CERK: variants seen among roughly 807,000 people sequenced by gnomAD.
CERK encodes ceramide kinase, also known as acylsphingosine kinase.
Under a neutral mutation model 63.4 loss-of-function variants are expected in CERK, and 39 were observed. That is an observed-to-expected ratio of 0.61 (90% CI 0.48 to 0.80). CERK has a LOEUF of 0.80. Ranked by LOEUF, CERK falls within the 30% of genes least tolerant of loss-of-function variation. CERK has a pLI of 0.00. For synonymous variants in CERK, 302 were observed against 280.0 expected, an observed-to-expected ratio of 1.08 and a Z score of -0.78; for missense variants, 670 against 714.1, an observed-to-expected ratio of 0.94 and a Z score of 0.70.
At chr22:46,733,100 C>T (rs141030818) in intron 1 of CERK, among the ~76,000 whole-genome samples, 2,052 of 146,048 alleles carry the variant, frequency 0.014, 57 homozygotes, top group African/African-American at 0.049. Context: ...CCCAGCTACT[C>T]GGGAGGCTGA....
intron 7 of CERK, among the ~76,000 whole-genome samples, chr22:46,699,909 T>C (rs2082775122): frequency 6.6e-6 from 1 of 152,122 alleles, no homozygotes; most frequent in African/African-American, 2.4e-5. Context: ...GCCAGAATGG[T>C]GAAACCTTGT....
At chr22:46,711,949 A>T (rs187079432) in intron 4 of CERK, among the ~76,000 whole-genome samples, 4 of 152,174 alleles carry the variant, frequency 2.6e-5, no homozygotes, top group African/African-American at 7.2e-5. Flanking sequence ...TTAGCCAGGC[A>T]TGGTGGCACA....
chr22:46,686,996 G>A lies in CERK; in HGVS notation c.*138C>T, dbSNP rs989399194. 1.3e-6 allele frequency: 1 copy of A among 770,162 alleles called. No individual in the cohort carries two copies. Among genetic ancestry groups the A allele is most frequent in the Non-Finnish European group, 2.1e-6 (1 of 487,552 alleles). The allele number at this position is 770,162 out of a possible 1,614,324, so 47.7% of individuals were successfully genotyped here. ...ATGTACACAAAATTGTTGACAAAAG[G>A]GTTTTCTTCTAAAATCAAGATTTAA... is the stretch of plus-strand genomic sequence containing the variant. On this transcript the variant is annotated 3_prime_UTR_variant, in exon 13 of 13. Transcript: ENST00000216264.
At chr22:46,724,124 CAGCCCA>C in intron 1 of CERK, among the ~76,000 whole-genome samples, 1 of 152,216 alleles carries the variant, frequency 6.6e-6, no homozygotes, top group South Asian at 2.1e-4. Flanking sequence ...TCTTCCTCCT[CAGCCCA>C]CTCAACATGA....
At chr22:46,719,309 C>T (rs2082881022) in intron 3 of CERK, among the ~76,000 whole-genome samples, 2 of 151,964 alleles carry the variant, frequency 1.3e-5, no homozygotes, top group African/African-American at 4.8e-5. Flanking sequence ...TTAAGGGTGA[C>T]AAAGTCTTGT....
intron 6 of CERK, among the ~76,000 whole-genome samples, chr22:46,702,221 A>ATGTG (rs1466132272): frequency 0.018 from 2,033 of 113,226 alleles, 61 homozygotes; most frequent in African/African-American, 0.057. Context: ...AAAAATATAT[A>ATGTG]TATGTGTGTG....
chr22:46,698,216 G>A (rs1416877566), intron 8 of CERK, among the ~76,000 whole-genome samples: 3 of 152,252 alleles, frequency 2.0e-5, no homozygotes, highest in African/African-American at 7.2e-5. Context: ...CACCTGCTGG[G>A]GTGAGAAGAG....
At chr22:46,733,615 A>G (rs924563479) in intron 1 of CERK, among the ~76,000 whole-genome samples, 20 of 151,748 alleles carry the variant, frequency 1.3e-4, no homozygotes, top group African/African-American at 4.6e-4. Context: ...TTTTAAATTT[A>G]TGATATCTTA....
Position 46,735,715 on chromosome 22 carries a change from T to A in CERK, c.142+2292A>T, listed in dbSNP as rs930687835. 2.6e-5 allele frequency among the ~76,000 whole-genome samples: 4 copies of A among 152,264 alleles called. No individual in the cohort carries two copies. The South Asian group carries it at 8.3e-4, about 32-fold the overall frequency. ...CCTAATCAATCCCAGTGTGCCCAGA[T>A]ACACCTGGGGGAATGGGGAGGGCTG... On this transcript the variant is annotated intron_variant, in intron 1 of 12. Transcript: ENST00000216264.
At chr22:46,716,069 A>G (rs1052055640) in intron 3 of CERK, among the ~76,000 whole-genome samples, 3 of 152,126 alleles carry the variant, frequency 2.0e-5, no homozygotes, top group African/African-American at 7.2e-5. Context: ...ATGTGCCTGT[A>G]GTCTCAGCTA....
Position 46,736,025 on chromosome 22 carries a change from G to A in CERK, c.142+1982C>T, listed in dbSNP as rs558042892. On this transcript the variant is annotated intron_variant, in intron 1 of 12. Transcript: ENST00000216264. ...TCCTGGAGGAAGCCCACCAGCCAGGGCCACCAGCCAGGGCCCCACCATCCA... is the reference window on the plus strand; with the variant it reads ...TCCTGGAGGAAGCCCACCAGCCAGGACCACCAGCCAGGGCCCCACCATCCA... Among the ~76,000 whole-genome samples, 14 of 151,972 alleles carry A rather than the reference G, an allele frequency of 9.2e-5. No individual in the cohort carries two copies. The South Asian group carries it at 1.5e-3, about 16-fold the overall frequency.
intron 1 of CERK, among the ~76,000 whole-genome samples, chr22:46,722,245 A>G (rs1009870722): frequency 1.3e-5 from 2 of 152,214 alleles, no homozygotes; most frequent in East Asian, 1.9e-4. Context: ...ATTTTGCATC[A>G]TTTTTAAAGT....
In CERK at chr22:46,699,431, G is replaced by A. The variant is rs762372388; in HGVS notation, c.825C>T (p.His275=). 1.2e-6 allele frequency: 2 copies of A among 1,614,202 alleles called. No individual in the cohort carries two copies. Among genetic ancestry groups the A allele is most frequent in the Admixed American group, 3.3e-5 (2 of 60,030 alleles). ...DSLAMDVSSV[H]HNSTLLRYSV... The stretch of plus-strand genomic sequence containing the variant: ...AGTAGCGAAGGAGTGTGCTGTTGTG[G>A]TGGACTGAGGACACATCCATGGCCA... Residue 275 remains histidine (H), a synonymous_variant, in exon 8 of 13, where the codon CAC becomes CAT. Coordinates refer to ENST00000216264, the MANE Select transcript of CERK (RefSeq NM_022766.6).
At chr22:46,731,158 G>A (rs954217665) in intron 1 of CERK, among the ~76,000 whole-genome samples, 1 of 152,250 alleles carries the variant, frequency 6.6e-6, no homozygotes, top group African/African-American at 2.4e-5. Flanking sequence ...CATTGGTGGA[G>A]ACAAAGGGGC....
chr22:46,724,049 TTCCACCTCCTCCGTCTTC>T (rs534054676), intron 1 of CERK, among the ~76,000 whole-genome samples: 159 of 152,192 alleles, frequency 1.0e-3, no homozygotes, highest in African/African-American at 3.4e-3. Flanking sequence ...TTGCCTCCCC[TTCCACCTCCTCCGTCTTC>T]TCCACCTCCA....
At position 46,712,198 on chromosome 22, in the gene CERK, T is replaced by G. The variant is rs756094565; in HGVS notation, c.475A>C (p.Thr159Pro). The change falls in exon 4 of 13, where the codon ACC (threonine) becomes CCC (proline). Residue 159 changes from threonine to proline, a missense_variant. By Grantham distance (38) the Thr-to-Pro change is conservative (BLOSUM62 -1). Coordinates refer to ENST00000216264, the MANE Select transcript of CERK (RefSeq NM_022766.6). ...ATGTCAGTGGTGATGGAGGCTAAGG[T>G]GAACAGTGGTGCCACTTTTCTTTCA... is the stretch of plus-strand genomic sequence containing the variant. The part of the protein sequence containing the change: ...IYERKVAPLF[T>P]LASITTDIIV... The G allele has an allele frequency of 6.2e-7, 1 of 1,614,242 alleles. No individual in the cohort carries two copies. Among genetic ancestry groups the G allele is most frequent in the South Asian group, 1.1e-5 (1 of 91,084 alleles).
chr22:46,700,929 T>C (rs903816695), intron 7 of CERK, among the ~76,000 whole-genome samples: 3 of 151,472 alleles, frequency 2.0e-5, no homozygotes, highest in Admixed American at 6.6e-5. Context: ...GAGAATCGCT[T>C]GAACTTGGGA....
At position 46,685,843 on chromosome 22, in the gene CERK, C is replaced by T. The variant is rs2082697429; in HGVS notation, c.*1291G>A. ...CATGAAATCACTAAGGGAGCTTCTG[C>T]AAAACCCACCCGGCAGCATGAGGAA... On this transcript the variant is annotated 3_prime_UTR_variant, in exon 13 of 13. Transcript: ENST00000216264. 6.6e-6 allele frequency: 1 copy of T among 152,230 alleles called. No individual in the cohort carries two copies. The allele number at this position is 152,230 out of a possible 1,614,324, so 9.4% of individuals were successfully genotyped here. A position where few individuals can be genotyped will look rare whatever the true frequency, so the allele number is the denominator to read the frequency against.
At chr22:46,702,241 G>A (rs1221302451) in intron 6 of CERK, among the ~76,000 whole-genome samples, 1 of 147,816 alleles carries the variant, frequency 6.8e-6, no homozygotes, top group African/African-American at 2.5e-5. Context: ...GTGTGTGTGT[G>A]TGTGTGTGTG....
Sources: gnomAD v4.1 joint callset for allele counts (sites outside exome capture counted in the v4.1 genomes callset) on GRCh38, gnomAD v4.1.1 for gene constraint, MANE v1.5 for transcripts, NCBI Gene and HGNC (gene_info 2026-07-23, HGNC 2026-07-21) for gene names.